The following SUPT3H variants were observed in gnomAD, a reference collection of about 807,000 sequenced individuals.
The protein encoded by SUPT3H is SPT3 homolog, SAGA and STAGA complex component.
Under a neutral mutation model 44.3 loss-of-function variants are expected in SUPT3H, and 44 were observed. The observed-to-expected ratio is 0.99, with a 90% confidence interval of 0.78 to 1.28. The LOEUF is 1.28. SUPT3H is among the 50% of genes most tolerant of loss of function. SUPT3H has a pLI of 0.00. For synonymous variants in SUPT3H, 124 were observed against 125.6 expected, an observed-to-expected ratio of 0.99 and a Z score of 0.09; for missense variants, 380 against 387.1, an observed-to-expected ratio of 0.98 and a Z score of 0.15.
At chr6:44,990,891 ATT>A (rs1780519419) in intron 6 of SUPT3H, among the ~76,000 whole-genome samples, 2 of 115,660 alleles carry the variant, frequency 1.7e-5, no homozygotes, top group African/African-American at 5.8e-5. Flanking sequence ...CAAGTTATTT[ATT>A]AAAATAATTA....
chr6:45,337,443 C>T (rs1788808325), intron 2 of SUPT3H, among the ~76,000 whole-genome samples: 1 of 151,724 alleles, frequency 6.6e-6, no homozygotes, highest in South Asian at 2.1e-4. Flanking sequence ...ACAAGGGTTA[C>T]TCTAAAAATA....
chr6:45,205,398 T>G (rs1763071254), intron 2 of SUPT3H, among the ~76,000 whole-genome samples: 1 of 152,218 alleles, frequency 6.6e-6, no homozygotes, highest in South Asian at 2.1e-4. Context: ...CATTAGGTCA[T>G]GGCATACCAT....
At chr6:45,100,627 C>G (rs1798442736) in intron 3 of SUPT3H, among the ~76,000 whole-genome samples, 1 of 141,904 alleles carries the variant, frequency 7.0e-6, no homozygotes, top group Admixed American at 7.0e-5. Context: ...CAGGGAAATG[C>G]AAATGAAAAC....
intron 1 of SUPT3H, among the ~76,000 whole-genome samples, chr6:45,368,799 C>A (rs1319364977): frequency 6.6e-6 from 1 of 152,074 alleles, no homozygotes; most frequent in African/African-American, 2.4e-5. Context: ...GAACATCTCA[C>A]ATAATATAAA....
chr6:45,126,361 T>C (rs1562509275), intron 2 of SUPT3H, among the ~76,000 whole-genome samples: 2 of 152,164 alleles, frequency 1.3e-5, no homozygotes, highest in African/African-American at 4.8e-5. Flanking sequence ...ATTTTTAAGG[T>C]TTTAGATGGT....
chr6:45,372,330 T>G (rs1796184307), intron 1 of SUPT3H, among the ~76,000 whole-genome samples: 1 of 152,226 alleles, frequency 6.6e-6, no homozygotes, highest in Non-Finnish European at 1.5e-5. Flanking sequence ...ATTTAGTTCA[T>G]GCTGATGATG....
chr6:44,893,989 T>C (rs1763720650), intron 10 of SUPT3H, among the ~76,000 whole-genome samples: 1 of 141,670 alleles, frequency 7.1e-6, no homozygotes, highest in South Asian at 2.4e-4. Context: ...TGAGCATTTT[T>C]TCATGTGTTT....
intron 10 of SUPT3H, among the ~76,000 whole-genome samples, chr6:44,907,124 A>G (rs1217376108): frequency 6.6e-6 from 1 of 152,258 alleles, no homozygotes; most frequent in African/African-American, 2.4e-5. Flanking sequence ...ATATGAAGCC[A>G]TAACAAAAAC....
chr6:44,979,177 G>GC (rs1272153074), intron 6 of SUPT3H, among the ~76,000 whole-genome samples: 1 of 152,088 alleles, frequency 6.6e-6, no homozygotes, highest in Non-Finnish European at 1.5e-5. Flanking sequence ...AAAACACACA[G>GC]CCCAGATGGT....
intron 2 of SUPT3H, among the ~76,000 whole-genome samples, chr6:45,231,021 T>C (rs946567540): frequency 3.9e-5 from 6 of 152,166 alleles, no homozygotes; most frequent in Non-Finnish European, 7.4e-5. Flanking sequence ...TTATTATGGA[T>C]ATGAAAGGTT....
At chr6:45,340,079 A>G (rs916054766) in intron 2 of SUPT3H, among the ~76,000 whole-genome samples, 1 of 152,214 alleles carries the variant, frequency 6.6e-6, no homozygotes, top group African/African-American at 2.4e-5. Context: ...ACCACTTTAC[A>G]GTGTTATACA....
At position 45,353,391 on chromosome 6, in the gene SUPT3H, T is replaced by C. The variant is rs9357485; in HGVS notation, c.101+11810A>G. 2.4e-3 allele frequency among the ~76,000 whole-genome samples: 371 copies of C among 152,022 alleles called. 13 individuals are homozygous for C. The East Asian group carries it at 0.065, about 26-fold the overall frequency. ...TGGACTTGAACTATAATACTAACTA[T>C]TAAAACATATTAAGAAGCTATAATA... On this transcript the variant is annotated intron_variant, in intron 2 of 10. Transcript: ENST00000371459.
chr6:44,819,686 A>G (rs1581816972), intron 11 of SUPT3H, among the ~76,000 whole-genome samples: 1 of 151,866 alleles, frequency 6.6e-6, no homozygotes, highest in East Asian at 1.9e-4. Flanking sequence ...CCAACTACTC[A>G]GGAGGCTGAG....
intron 10 of SUPT3H, among the ~76,000 whole-genome samples, chr6:44,898,115 C>T (rs1764383419): frequency 6.6e-6 from 1 of 152,098 alleles, no homozygotes; most frequent in Non-Finnish European, 1.5e-5. Context: ...ATCTTATGAT[C>T]CTTTGAGGCC....
chr6:44,881,457 C>G (rs1007100326), intron 10 of SUPT3H, among the ~76,000 whole-genome samples: 3 of 152,194 alleles, frequency 2.0e-5, no homozygotes, highest in African/African-American at 7.2e-5. Context: ...TAACACCCCA[C>G]TGTCAATATT....
At chr6:45,076,739 C>T (rs978303766) in intron 3 of SUPT3H, among the ~76,000 whole-genome samples, 3 of 152,152 alleles carry the variant, frequency 2.0e-5, no homozygotes, top group African/African-American at 7.2e-5. Flanking sequence ...CTGAGTAACA[C>T]TAATGATTTC....
intron 6 of SUPT3H, among the ~76,000 whole-genome samples, chr6:44,992,199 G>T (rs1448165110): frequency 6.6e-6 from 1 of 152,134 alleles, no homozygotes; most frequent in African/African-American, 2.4e-5. Context: ...CCCTTGAAAA[G>T]TATTTTTTAA....
intron 2 of SUPT3H, among the ~76,000 whole-genome samples, chr6:45,125,050 A>G (rs1234161428): frequency 6.6e-6 from 1 of 152,168 alleles, no homozygotes; most frequent in African/African-American, 2.4e-5. Context: ...TAGGAGAGAC[A>G]AGGAAGGATT....
intron 2 of SUPT3H, among the ~76,000 whole-genome samples, chr6:45,347,780 G>A (rs745908306): frequency 4.1e-5 from 6 of 147,662 alleles, no homozygotes; most frequent in African/African-American, 1.3e-4. Flanking sequence ...AAAAAAAGAC[G>A]TATATTTCAT....
Sources: allele counts gnomAD v4.1 joint callset (sites outside exome capture counted in the v4.1 genomes callset), GRCh38; gene constraint gnomAD v4.1.1; transcripts MANE v1.5; gene names NCBI Gene and HGNC (gene_info 2026-07-23, HGNC 2026-07-21).